ASH1L: variants seen among roughly 807,000 people sequenced by gnomAD.
The protein encoded by ASH1L is histone-lysine N-methyltransferase ASH1L.
In ASH1L, 23 loss-of-function variants were observed where a neutral mutation model predicts 269.0. That is an observed-to-expected ratio of 0.09 (90% CI 0.06 to 0.12). ASH1L has a LOEUF of 0.12. ASH1L is among the 10% of genes least tolerant of loss of function. The pLI, the probability that ASH1L is intolerant of heterozygous loss-of-function variation, is 1.00. For synonymous variants in ASH1L, 1,187 were observed against 1,253.5 expected (o/e 0.95, Z 1.12); for missense variants, 2,912 against 3,567.8 (o/e 0.82, Z 4.68).
chr1:155,535,233 ATT>A (rs112674447), intron 1 of ASH1L, among the ~76,000 whole-genome samples: 3 of 140,690 alleles, frequency 2.1e-5, no homozygotes, highest in Admixed American at 7.1e-5. Flanking sequence ...TTATCTGAGG[ATT>A]TTTTTTTTTT....
At chr1:155,491,824 C>T (rs554622648) in intron 2 of ASH1L, among the ~76,000 whole-genome samples, 19 of 151,814 alleles carry the variant, frequency 1.3e-4, no homozygotes, top group African/African-American at 4.3e-4. Flanking sequence ...AGGGACCCAC[C>T]ACCACGTCTG....
chr1:155,412,893 T>TG (rs886852088), intron 6 of ASH1L, among the ~76,000 whole-genome samples: 6 of 123,498 alleles, frequency 4.9e-5, no homozygotes, highest in African/African-American at 9.5e-5. Flanking sequence ...CTTCTGTGTG[T>TG]TTTTTTTTTT....
At chr1:155,372,758 T>C (rs971757700) in intron 10 of ASH1L, among the ~76,000 whole-genome samples, 1 of 152,108 alleles carries the variant, frequency 6.6e-6, no homozygotes, top group African/African-American at 2.4e-5. Flanking sequence ...ATTACAGGCA[T>C]GAACTACCAC....
chr1:155,345,349 T>C (rs1653181679), intron 21 of ASH1L, among the ~76,000 whole-genome samples: 1 of 150,676 alleles, frequency 6.6e-6, no homozygotes, highest in African/African-American at 2.4e-5. Flanking sequence ...CCCGGCTAAT[T>C]TTTTTTGCAG....
chr1:155,431,741 G>C (rs2148596275), intron 5 of ASH1L, among the ~76,000 whole-genome samples: 1 of 152,128 alleles, frequency 6.6e-6, no homozygotes, highest in Middle Eastern at 3.4e-3. Flanking sequence ...CCAGCCTGGG[G>C]GACGCAGCAA....
At chr1:155,556,316 T>G (rs1158479603) in intron 1 of ASH1L, among the ~76,000 whole-genome samples, 1 of 152,056 alleles carries the variant, frequency 6.6e-6, no homozygotes, top group Non-Finnish European at 1.5e-5. Flanking sequence ...GAGGATCAAC[T>G]GAGCCTGGGA....
chr1:155,444,428 C>A (rs1261101162), intron 4 of ASH1L, among the ~76,000 whole-genome samples: 1 of 152,152 alleles, frequency 6.6e-6, no homozygotes, highest in Non-Finnish European at 1.5e-5. Context: ...ACATTTTAAT[C>A]ATTCTAATGG....
chr1:155,495,373 A>G (rs1245017300), intron 2 of ASH1L, among the ~76,000 whole-genome samples: 3 of 152,186 alleles, frequency 2.0e-5, no homozygotes, highest in African/African-American at 7.2e-5. Flanking sequence ...AGAATAACCT[A>G]TTGCTCCTAG....
intron 1 of ASH1L, among the ~76,000 whole-genome samples, chr1:155,560,148 G>A (rs1671863251): frequency 6.6e-6 from 1 of 151,764 alleles, no homozygotes; most frequent in South Asian, 2.1e-4. Flanking sequence ...GAAAATGAAA[G>A]GTTTTCAAAT....
intron 2 of ASH1L, among the ~76,000 whole-genome samples, chr1:155,510,392 C>T (rs1046833752): frequency 3.3e-5 from 4 of 121,018 alleles, no homozygotes; most frequent in Non-Finnish European, 3.2e-5. Flanking sequence ...CAAGCCTGGA[C>T]GACAGAGCAA....
chr1:155,516,864 T>G (rs1668534653), intron 2 of ASH1L, among the ~76,000 whole-genome samples: 2 of 151,946 alleles, frequency 1.3e-5, no homozygotes, highest in South Asian at 2.1e-4. Flanking sequence ...TGCAATAGCA[T>G]CAAAAAATAA....
chr1:155,371,644 C>T (rs1283654638), intron 10 of ASH1L, among the ~76,000 whole-genome samples: 1 of 151,056 alleles, frequency 6.6e-6, no homozygotes, highest in Non-Finnish European at 1.5e-5. Context: ...TTGAAGCACT[C>T]ATGCCCATTT....
intron 1 of ASH1L, among the ~76,000 whole-genome samples, chr1:155,525,555 A>C (rs1669194209): frequency 6.6e-6 from 1 of 151,738 alleles, no homozygotes; most frequent in Non-Finnish European, 1.5e-5. Context: ...AAAAAAAAGA[A>C]GAAGAAGAAA....
chr1:155,551,756 T>C (rs1571142599), intron 1 of ASH1L, among the ~76,000 whole-genome samples: 1 of 141,480 alleles, frequency 7.1e-6, no homozygotes, highest in South Asian at 2.2e-4. Context: ...GATCACAAGG[T>C]CAAGAATTTA....
chr1:155,429,593 G>A (rs1013804328), intron 5 of ASH1L, among the ~76,000 whole-genome samples: 1 of 152,128 alleles, frequency 6.6e-6, no homozygotes, highest in Non-Finnish European at 1.5e-5. Flanking sequence ...AATTCAGGAA[G>A]AATAAGCTGT....
chr1:155,405,380 G>C (rs1234703099), intron 6 of ASH1L, among the ~76,000 whole-genome samples: 1 of 151,984 alleles, frequency 6.6e-6, no homozygotes, highest in Non-Finnish European at 1.5e-5. Context: ...TAATCAGGAG[G>C]CTGAGGCACG....
At chr1:155,350,274 G>A (rs982001385) in intron 17 of ASH1L, among the ~76,000 whole-genome samples, 6 of 151,482 alleles carry the variant, frequency 4.0e-5, no homozygotes, top group South Asian at 4.2e-4. Context: ...CACCTGCCTC[G>A]GCCTCCCAAA....
At chr1:155,361,518 C>CCAAAAAAAA (rs1654939011) in intron 12 of ASH1L, among the ~76,000 whole-genome samples, 1 of 36,380 alleles carries the variant, frequency 2.7e-5, no homozygotes, top group African/African-American at 1.3e-4. Context: ...CTCCATCTCA[C>CCAAAAAAAA]AAAAAAAAAA....
intron 1 of ASH1L, among the ~76,000 whole-genome samples, chr1:155,552,590 G>A (rs1257603515): frequency 1.3e-5 from 2 of 152,144 alleles, no homozygotes; most frequent in African/African-American, 4.8e-5. Flanking sequence ...AGCTTGCAGT[G>A]AGCCGAGATC....
Sources: allele counts gnomAD v4.1 joint callset (sites outside exome capture counted in the v4.1 genomes callset), GRCh38; gene constraint gnomAD v4.1.1; transcripts MANE v1.5; gene names NCBI Gene and HGNC (gene_info 2026-07-23, HGNC 2026-07-21).